PCDHGB3: variants seen among roughly 807,000 people sequenced by gnomAD.
The protein encoded by PCDHGB3 is protocadherin gamma-B3.
Under a neutral mutation model 59.2 loss-of-function variants are expected in PCDHGB3, and 40 were observed. The ratio of observed to expected loss-of-function variants is 0.68; its 90% CI spans 0.52 to 0.88. The LOEUF is 0.88. Ranked by LOEUF, PCDHGB3 falls within the 40% of genes least tolerant of loss-of-function variation. The pLI is 0.00. For missense variants in PCDHGB3, 1,309 were observed against 1,187.9 expected, an observed-to-expected ratio of 1.10 and a Z score of -1.50; for synonymous variants, 581 against 503.6, an observed-to-expected ratio of 1.15 and a Z score of -2.06.
intron 1 of PCDHGB3, chr5:141,409,896 C>T (rs1181128940): frequency 6.2e-7 from 1 of 1,613,240 alleles, no homozygotes; most frequent in East Asian, 2.2e-5. Flanking sequence ...GTGCTGTACC[C>T]AGCTCTGGGT....
At chr5:141,444,644 G>T (rs1300191764) in intron 1 of PCDHGB3, among the ~76,000 whole-genome samples, 1 of 151,892 alleles carries the variant, frequency 6.6e-6, no homozygotes, top group Non-Finnish European at 1.5e-5. Flanking sequence ...ATTGAGGTAG[G>T]GGTTGAAGTT....
chr5:141,385,052 G>A (rs559398944), intron 1 of PCDHGB3: 3 of 1,614,152 alleles, frequency 1.9e-6, no homozygotes, highest in Non-Finnish European at 8.5e-7. Context: ...AGGCTGCGGC[G>A]CTGGCACAAG....
At position 141,510,839 on chromosome 5, in the gene PCDHGB3, C is replaced by G. The variant is rs186647886; in HGVS notation, c.2564-108C>G. The stretch of plus-strand genomic sequence containing the variant: ...CTATATTCCCAGTGCTCAGCGTGGT[C>G]AAGGCCCAGGGTGCTGTATAGGCAT... On this transcript the variant is annotated intron_variant, in intron 3 of 3. Coordinates refer to ENST00000576222, the MANE Select transcript of PCDHGB3 (RefSeq NM_018924.5). The G allele has an allele frequency of 6.5e-5, 103 of 1,587,108 alleles. No individual in the cohort carries two copies. The East Asian group carries it at 1.6e-3, about 25-fold the overall frequency.
chr5:141,399,745 G>A (rs1472441281), intron 1 of PCDHGB3: 2 of 1,613,194 alleles, frequency 1.2e-6, no homozygotes, highest in African/African-American at 2.7e-5. Flanking sequence ...TGCGCTCAGC[G>A]CAAACGTGAG....
intron 1 of PCDHGB3, chr5:141,423,100 G>C (rs2096709499): frequency 6.2e-7 from 1 of 1,613,944 alleles, no homozygotes; most frequent in Non-Finnish European, 8.5e-7. Context: ...GGAGCACACG[G>C]GCGAGGTGCG....
At position 141,370,403 on chromosome 5, in the gene PCDHGB3, T is replaced by C. The variant is rs1766874006; in HGVS notation, c.9T>C (p.Asn3=). ...AAGGCGCAGAGAGCGGGATGGGAAA[T>C]AGCTCCGGATGGAGGGGCCCAGCAG... MG[N]SSGWRGPAGQ... The change falls in exon 1 of 4, where the codon AAT becomes AAC. Residue 3 remains asparagine (N), a synonymous_variant. Coordinates refer to ENST00000576222, the MANE Select transcript of PCDHGB3 (RefSeq NM_018924.5). 2 of 1,554,604 alleles carry C rather than the reference T, an allele frequency of 1.3e-6. No individual in the cohort carries two copies. Among genetic ancestry groups the C allele is most frequent in the Non-Finnish European group, 1.7e-6 (2 of 1,153,138 alleles).
intron 1 of PCDHGB3, chr5:141,389,849 T>C (rs773205213): frequency 6.2e-7 from 1 of 1,614,066 alleles, no homozygotes; most frequent in South Asian, 1.1e-5. Context: ...TCTCGGCCAC[T>C]GCCACGTTGC....
rs146358809 is a variant in PCDHGB3, at chr5:141,480,913, C to T, written c.2416-13894C>T. 4.1e-3 allele frequency among the ~76,000 whole-genome samples: 617 copies of T among 152,096 alleles called. 6 individuals are homozygous for T. Among genetic ancestry groups the T allele is most frequent in the Admixed American group, 0.011 (171 of 15,272 alleles). ...TGCAAACATTAGCTGGGCATGGTGG[C>T]GCATACCTGTAGTCCCAGCTACTCT... On this transcript the variant is annotated intron_variant, in intron 1 of 3. Transcript: ENST00000576222.
intron 1 of PCDHGB3, chr5:141,421,223 C>T: frequency 6.3e-7 from 1 of 1,580,314 alleles, no homozygotes. Context: ...GGCTTAGAGC[C>T]TGCCATGGCG....
intron 1 of PCDHGB3, chr5:141,416,530 G>C (rs976560428): frequency 6.6e-6 from 1 of 152,160 alleles, no homozygotes; most frequent in Non-Finnish European, 1.5e-5. Context: ...GCTCTTTAAT[G>C]TATAAGGAGG....
rs760968250 is a variant in PCDHGB3 at position 141,372,326 on chromosome 5, C to T, written c.1932C>T (p.Val644=). ...AGGCCGCCCGCCAGCGCCTGCTGGT[C>T]ACTGTGCGTGATGGAGGACAGCAGC... ...DREAARQRLL[V]TVRDGGQQPL... The change falls in exon 1 of 4, where the codon GTC becomes GTT. Residue 644 remains valine, a synonymous_variant. Coordinates refer to ENST00000576222, the MANE Select transcript of PCDHGB3 (RefSeq NM_018924.5). 54 of 1,613,610 alleles carry T rather than the reference C, an allele frequency of 3.3e-5. No individual in the cohort carries two copies. Among genetic ancestry groups the T allele is most frequent in the Non-Finnish European group, 4.3e-5 (51 of 1,179,914 alleles).
At chr5:141,415,468 G>A (rs762272586) in intron 1 of PCDHGB3, 8 of 1,614,070 alleles carry the variant, frequency 5.0e-6, no homozygotes, top group East Asian at 2.2e-5. Context: ...CTCTCTCACC[G>A]CGGACTCGCG....
In PCDHGB3 at chr5:141,485,076, G is replaced by A; in HGVS notation, c.2416-9731G>A. 2.1e-6 allele frequency: 2 copies of A among 944,586 alleles called. No homozygotes were observed. Among genetic ancestry groups the A allele is most frequent in the East Asian group, 2.4e-5 (1 of 41,508 alleles). The allele number at this position is 944,586 out of a possible 1,614,324, so 58.5% of individuals were successfully genotyped here. ...CCGAACCGCGCCAGAGCTGGCGCGG[G>A]GAAAGGGAGATAGGTGTCTCCAGCT... On this transcript the variant is annotated intron_variant, in intron 1 of 3. Coordinates refer to ENST00000576222, the MANE Select transcript of PCDHGB3 (RefSeq NM_018924.5). This position sits in a 1 kb window ranked among gnomAD's most constrained non-coding sequence, Gnocchi z 5.7.
intron 1 of PCDHGB3, among the ~76,000 whole-genome samples, chr5:141,439,689 A>G (rs1193986599): frequency 6.6e-6 from 1 of 152,218 alleles, no homozygotes; most frequent in Non-Finnish European, 1.5e-5. Flanking sequence ...CAGACCCACA[A>G]CATTCCTATT....
At chr5:141,436,200 T>C (rs1266606536) in intron 1 of PCDHGB3, among the ~76,000 whole-genome samples, 1 of 152,014 alleles carries the variant, frequency 6.6e-6, no homozygotes, top group African/African-American at 2.4e-5. Context: ...AAGAAAGACA[T>C]AATAGGAAAA....
In PCDHGB3 at chr5:141,415,739, G is replaced by GTTTT; in HGVS notation, c.2415+42930_2415+42931insTTTT. On this transcript the variant is annotated intron_variant, in intron 1 of 3. Transcript: ENST00000576222. The stretch of plus-strand genomic sequence containing the variant: ...ATGAGTAGAATTTGATGTTTATTAA[G>GTTTT]GTTTTTTTTTTTTTTTTTTTTTTTT... 9.2e-6 allele frequency: 4 copies of GTTTT among 434,946 alleles called. No homozygotes were observed. In the African/African-American group the frequency reaches 1.3e-4, roughly 14 times the overall value. 26.9% of individuals were successfully genotyped at this position (434,946 alleles called of 1,614,324 possible).
At chr5:141,387,649 G>T (rs1020449158) in intron 1 of PCDHGB3, 13 of 640,184 alleles carry the variant, frequency 2.0e-5, no homozygotes, top group Non-Finnish European at 3.1e-5. Context: ...TGGCCAAAGT[G>T]GAGAGCTTGG....
In PCDHGB3 at chr5:141,485,308, A is replaced by G; in HGVS notation, c.2416-9499A>G. On this transcript the variant is annotated intron_variant, in intron 1 of 3. Coordinates refer to ENST00000576222, the MANE Select transcript of PCDHGB3 (RefSeq NM_018924.5). The surrounding 1 kb of genome is among the most constrained non-coding windows in gnomAD (Gnocchi z 5.7). ...AGGAGTCACAGGAAGGGACTTTTGTAGGGAATGTCGCTCAAGATTTCCTGC... is the reference window on the plus strand; with the variant it reads ...AGGAGTCACAGGAAGGGACTTTTGTGGGGAATGTCGCTCAAGATTTCCTGC... 6.2e-7 allele frequency: 1 copy of G among 1,614,112 alleles called. No individual in the cohort carries two copies. The highest frequency in any genetic ancestry group is 8.5e-7 in the Non-Finnish European group (1 of 1,179,996).
Position 141,421,318 on chromosome 5 carries a change from C to T in PCDHGB3, c.2415+48509C>T, listed in dbSNP as rs370020854. 5.6e-6 allele frequency: 9 copies of T among 1,613,824 alleles called. No homozygotes were observed. In the East Asian group the frequency reaches 2.0e-4, roughly 36 times the overall value. On this transcript the variant is annotated intron_variant, in intron 1 of 3. Coordinates refer to ENST00000576222, the MANE Select transcript of PCDHGB3 (RefSeq NM_018924.5). ...GACGCTGCGGGGGTTCCGGGCCAGG[C>T]AGATCCGATATTCGGTGCCAGAAGA...
Sources: gnomAD v4.1 joint callset for allele counts (sites outside exome capture counted in the v4.1 genomes callset) on GRCh38, gnomAD v4.1.1 for gene constraint, Gnocchi (gnomAD v3.1) non-coding constraint, MANE v1.5 for transcripts, NCBI Gene and HGNC (gene_info 2026-07-23, HGNC 2026-07-21) for gene names.